The following WDR49 variants were observed in gnomAD, a reference collection of about 807,000 sequenced individuals.
WDR49 encodes the protein WD repeat domain 49, also known as cilia- and flagella-associated protein 337.
In WDR49, 107 loss-of-function variants were observed where a neutral mutation model predicts 119.5. The ratio of observed to expected loss-of-function variants is 0.90; its 90% CI spans 0.77 to 1.05. The LOEUF (loss-of-function observed/expected upper bound fraction) is 1.05, where lower values mean the gene tolerates loss of function less well. WDR49 is among the 50% of genes least tolerant of loss of function. The probability of loss-of-function intolerance (pLI) is 0.00; values close to 1 mark genes in which losing one functional copy is unlikely to be tolerated. For missense variants in WDR49, 1,240 were observed against 1,220.5 expected (o/e 1.02, Z -0.24); for synonymous variants, 425 against 418.8 (o/e 1.01, Z -0.18).
intron 2 of WDR49, among the ~76,000 whole-genome samples, chr3:167,641,791 C>T (rs1717892915): frequency 1.3e-5 from 2 of 151,776 alleles, no homozygotes; most frequent in South Asian, 2.1e-4. Flanking sequence ...AACCAAACTA[C>T]ATTTAACAAA....
intron 18 of WDR49, among the ~76,000 whole-genome samples, chr3:167,480,484 C>T (rs896556343): frequency 5.9e-5 from 9 of 151,956 alleles, no homozygotes; most frequent in African/African-American, 1.2e-4. Context: ...AAACACAAAA[C>T]GAAACAAAAA....
intron 18 of WDR49, among the ~76,000 whole-genome samples, chr3:167,482,372 C>G (rs1015355582): frequency 1.3e-5 from 2 of 151,794 alleles, no homozygotes; most frequent in Non-Finnish European, 2.9e-5. Flanking sequence ...GAGGAAATTT[C>G]AAAAAGCTAA....
intron 5 of WDR49, among the ~76,000 whole-genome samples, chr3:167,611,943 T>G (rs1331452836): frequency 6.6e-6 from 1 of 151,980 alleles, no homozygotes; most frequent in Non-Finnish European, 1.5e-5. Context: ...GGAAAGAAAA[T>G]CAACAAACGT....
At chr3:167,499,219 C>A (rs765138913) in intron 18 of WDR49, among the ~76,000 whole-genome samples, 123 of 152,266 alleles carry the variant, frequency 8.1e-4, no homozygotes, top group African/African-American at 2.7e-3. Flanking sequence ...AGCTGTTCTC[C>A]CTTTCCATAA....
intron 7 of WDR49, among the ~76,000 whole-genome samples, chr3:167,600,993 A>C (rs1258084816): frequency 6.6e-6 from 1 of 152,186 alleles, no homozygotes; most frequent in Non-Finnish European, 1.5e-5. Context: ...GAAAGACTGA[A>C]GAATTTTTCT....
At chr3:167,618,097 C>G (rs1157062576) in intron 5 of WDR49, among the ~76,000 whole-genome samples, 1 of 138,610 alleles carries the variant, frequency 7.2e-6, no homozygotes, top group African/African-American at 2.8e-5. Context: ...ATTGTGCCTG[C>G]TTGTCTATTT....
chr3:167,540,259 A>G (rs1251816811), intron 10 of WDR49, among the ~76,000 whole-genome samples: 1 of 152,154 alleles, frequency 6.6e-6, no homozygotes, highest in African/African-American at 2.4e-5. Flanking sequence ...CACTAAATAT[A>G]TCTACAAGGA....
intron 16 of WDR49, among the ~76,000 whole-genome samples, chr3:167,517,269 T>C (rs978895490): frequency 6.6e-6 from 1 of 152,020 alleles, no homozygotes; most frequent in Non-Finnish European, 1.5e-5. Flanking sequence ...AACTTCAAAC[T>C]GTACTACACG....
intron 9 of WDR49, among the ~76,000 whole-genome samples, chr3:167,557,739 C>T (rs1408353568): frequency 2.0e-4 from 29 of 142,086 alleles, no homozygotes; most frequent in African/African-American, 4.6e-4. Flanking sequence ...GGCAACAGAG[C>T]GAGACTCCGT....
rs764702866 is a variant in WDR49, at chr3:167,531,278, A to G, written c.2055T>C (p.Asp685=). 1.2e-6 allele frequency: 2 copies of G among 1,610,860 alleles called. No homozygotes were observed. Among genetic ancestry groups the G allele is most frequent in the South Asian group, 1.1e-5 (1 of 90,872 alleles). The change falls in exon 13 of 19, where the codon GAT becomes GAC. Residue 685 remains aspartate, a splice_region_variant and synonymous_variant. Coordinates refer to ENST00000682715, the MANE Select transcript of WDR49 (RefSeq NM_001366157.1). ...DYQRLLKSKL[D]TKPQKLLSAG... is the part of the protein sequence containing the mutation. ...CACTGAGAAGTTTTTGAGGTTTTGT[A>G]TCTGTGAGGGAGACAAAGCCAAGTA...
At chr3:167,634,787 T>C (rs1253724614) in intron 2 of WDR49, among the ~76,000 whole-genome samples, 1 of 151,884 alleles carries the variant, frequency 6.6e-6, no homozygotes, top group Non-Finnish European at 1.5e-5. Context: ...TGTTTATTTG[T>C]TGCACAAAAG....
intron 18 of WDR49, among the ~76,000 whole-genome samples, chr3:167,495,535 C>A (rs1490244916): frequency 4.0e-5 from 6 of 149,902 alleles, no homozygotes; most frequent in Admixed American, 3.3e-4. Context: ...ATTAAAAGAG[C>A]ATCAAAAACA....
intron 8 of WDR49, among the ~76,000 whole-genome samples, chr3:167,562,075 T>C (rs1175853943): frequency 1.3e-5 from 2 of 152,014 alleles, no homozygotes; most frequent in Non-Finnish European, 2.9e-5. Flanking sequence ...CCAAAGAATA[T>C]TGAGTAATTA....
intron 5 of WDR49, among the ~76,000 whole-genome samples, chr3:167,605,603 G>A (rs1396462486): frequency 1.3e-5 from 2 of 152,124 alleles, no homozygotes; most frequent in Non-Finnish European, 2.9e-5. Context: ...TAAATTGAAT[G>A]TTACAAAATG....
At chr3:167,495,187 T>C (rs184171591) in intron 18 of WDR49, among the ~76,000 whole-genome samples, 48 of 152,126 alleles carry the variant, frequency 3.2e-4, no homozygotes, top group Non-Finnish European at 6.2e-4. Context: ...GACCCAGGGA[T>C]TATCCAGATT....
chr3:167,621,816 A>G (rs1354673033), intron 3 of WDR49, among the ~76,000 whole-genome samples, 173 bp from the exon 4 acceptor site: 2 of 152,148 alleles, frequency 1.3e-5, no homozygotes, highest in Admixed American at 6.6e-5. Context: ...CTAACTGTGG[A>G]ATCTAGCCAA....
rs561933031 is a variant in WDR49, at chr3:167,500,233, A to C, written c.2951T>G (p.Leu984Arg). The change falls in exon 18 of 19, where the codon CTT becomes CGT. Residue 984 changes from leucine to arginine, a missense_variant. Transcript: ENST00000682715. ...ELPEVNKPAF[L>R]LDPEKYFRKE... ...CCTAAAGTATTTCTCAGGGTCTAGA[A>C]GGAAAGCAGGTTTATTCACTTCAGG... 1.2e-6 allele frequency: 2 copies of C among 1,606,128 alleles called. No individual in the cohort carries two copies. The highest frequency in any genetic ancestry group is 2.7e-5 in the African/African-American group (2 of 74,358).
chr3:167,494,629 T>C (rs1305645301), intron 18 of WDR49, among the ~76,000 whole-genome samples: 1 of 152,222 alleles, frequency 6.6e-6, no homozygotes, highest in Non-Finnish European at 1.5e-5. Flanking sequence ...GGATTTATTA[T>C]GTTTTGGCAT....
chr3:167,606,473 T>A (rs918693129), intron 5 of WDR49, among the ~76,000 whole-genome samples: 5 of 152,230 alleles, frequency 3.3e-5, no homozygotes, highest in African/African-American at 2.4e-5. Flanking sequence ...ACATCCTTTG[T>A]GTTAGTCAAT....
Sources: allele counts gnomAD v4.1 joint callset (sites outside exome capture counted in the v4.1 genomes callset), GRCh38; gene constraint gnomAD v4.1.1; transcripts MANE v1.5; gene names NCBI Gene and HGNC (gene_info 2026-07-23, HGNC 2026-07-21).